LRP6: variants seen among roughly 807,000 people sequenced by gnomAD.
LRP6 encodes the protein LDL receptor related protein 6, also known as low-density lipoprotein receptor-related protein 6.
In LRP6, 43 loss-of-function variants were observed where a neutral mutation model predicts 184.1. That is an observed-to-expected ratio of 0.23 (90% CI 0.18 to 0.30). The LOEUF (loss-of-function observed/expected upper bound fraction) is 0.30. LRP6 is among the 10% of genes least tolerant of loss of function. The pLI is 1.00. For synonymous variants in LRP6, 719 were observed against 684.9 expected (o/e 1.05, Z -0.78); for missense variants, 1,571 against 2,005.3 (o/e 0.78, Z 4.14).
chr12:12,222,381 C>T lies in LRP6; in HGVS notation c.450-18981G>A, dbSNP rs569506600. The stretch of plus-strand genomic sequence containing the variant: ...AGGAGTTCAAGACCAGACTGACCAA[C>T]ATGGTGAAACCTCATCTCTACTAAA... On this transcript the variant is annotated intron_variant, in intron 2 of 22. Transcript: ENST00000261349. Among the ~76,000 whole-genome samples, 11 of 152,062 alleles carry T rather than the reference C, an allele frequency of 7.2e-5. 1 individual carries two copies. In the South Asian group the frequency reaches 1.0e-3, roughly 14 times the overall value.
intron 13 of LRP6, 129 bp downstream of exon 13, chr12:12,150,707 T>C (rs867298990): frequency 6.5e-6 from 6 of 926,080 alleles, no homozygotes; most frequent in South Asian, 5.3e-5. Flanking sequence ...AGCTACTAGG[T>C]CCAGAATTTC....
intron 1 of LRP6, among the ~76,000 whole-genome samples, chr12:12,264,980 G>A (rs769615896): frequency 6.6e-6 from 1 of 152,066 alleles, no homozygotes; most frequent in Non-Finnish European, 1.5e-5. Context: ...TCTCAAAGCT[G>A]GTGTTAAACA....
intron 1 of LRP6, among the ~76,000 whole-genome samples, chr12:12,248,331 T>C (rs1865238520): frequency 6.6e-6 from 1 of 152,170 alleles, no homozygotes; most frequent in Non-Finnish European, 1.5e-5. Context: ...CTGCAAAATC[T>C]TATAACATTG....
intron 5 of LRP6, among the ~76,000 whole-genome samples, chr12:12,182,068 G>T (rs1183147256): frequency 1.3e-5 from 2 of 152,132 alleles, no homozygotes; most frequent in African/African-American, 4.8e-5. Context: ...TGCAATGGAG[G>T]GAAGGAACCA....
At chr12:12,244,201 TGTCAGTGGAGA>T in intron 2 of LRP6, 50 bp downstream of exon 2, 1 of 1,539,086 alleles carries the variant, frequency 6.5e-7, no homozygotes, top group Non-Finnish European at 9.0e-7. Flanking sequence ...GGGTGGTGTA[TGTCAGTGGAGA>T]AAAACCGAAA....
chr12:12,155,470 T>G, intron 12 of LRP6: 2 of 938,316 alleles, frequency 2.1e-6, no homozygotes, highest in South Asian at 2.6e-5. Context: ...TTACCCAGCA[T>G]GCTGTTGGCA....
At chr12:12,143,808 G>C (rs182131141) in intron 15 of LRP6, among the ~76,000 whole-genome samples, 28 of 152,176 alleles carry the variant, frequency 1.8e-4, no homozygotes, top group Non-Finnish European at 3.2e-4. Context: ...TTGTACCTTT[G>C]CAGAAGACAA....
rs368284481 is a variant in LRP6 at position 12,187,127 on chromosome 12, C to A, written c.648-8G>T. Reference sequence around the variant, plus strand: ...CCTTTAACCACTGCCTGCCTATTAACATAAAGAGAAAAATTTAAACTTATT... The same window carrying A: ...CCTTTAACCACTGCCTGCCTATTAAAATAAAGAGAAAAATTTAAACTTATT... On this transcript the variant is annotated splice_region_variant and splice_polypyrimidine_tract_variant and intron_variant, in intron 3 of 22. Coordinates refer to ENST00000261349, the MANE Select transcript of LRP6 (RefSeq NM_002336.3). 3 of 1,613,084 alleles carry A rather than the reference C, an allele frequency of 1.9e-6. No individual in the cohort carries two copies. Among genetic ancestry groups the A allele is most frequent in the Non-Finnish European group, 2.5e-6 (3 of 1,179,300 alleles).
intron 2 of LRP6, among the ~76,000 whole-genome samples, chr12:12,234,632 A>G (rs1864886203): frequency 6.6e-6 from 1 of 152,076 alleles, no homozygotes. Context: ...GGAGTTTGAG[A>G]CCAGCCTGAC....
Position 12,182,681 on chromosome 12 carries a change from A to G in LRP6, c.977-1242T>C, listed in dbSNP as rs543547979. On this transcript the variant is annotated intron_variant, in intron 5 of 22. Transcript: ENST00000261349. ...TAGAGCTAATTATAAATGAATTCCA[A>G]CTTGAAGAAAATACAGCCCAAATGC... is the stretch of plus-strand genomic sequence containing the variant. 2.6e-5 allele frequency among the ~76,000 whole-genome samples: 4 copies of G among 152,324 alleles called. No homozygotes were observed. In the East Asian group the frequency reaches 7.7e-4, roughly 29 times the overall value.
chr12:12,238,925 G>A (rs930543444), intron 2 of LRP6, among the ~76,000 whole-genome samples: 3 of 151,612 alleles, frequency 2.0e-5, no homozygotes, highest in Non-Finnish European at 4.4e-5. Flanking sequence ...AATTCAACTC[G>A]TAAAAAAAAC....
At chr12:12,214,718 T>C (rs1214511565) in intron 2 of LRP6, among the ~76,000 whole-genome samples, 2 of 152,232 alleles carry the variant, frequency 1.3e-5, no homozygotes, top group African/African-American at 2.4e-5. Flanking sequence ...TGGGGGAATA[T>C]GGAATGCGTT....
intron 1 of LRP6, among the ~76,000 whole-genome samples, chr12:12,258,960 T>C (rs894273177): frequency 2.0e-5 from 3 of 151,400 alleles, no homozygotes; most frequent in South Asian, 2.1e-4. Flanking sequence ...GACTATTTTC[T>C]TGGGAAAAAA....
rs973927952 is a variant in LRP6 at position 12,131,933 on chromosome 12, A to G, written c.3858T>C (p.Pro1286=). 6.2e-7 allele frequency: 1 copy of G among 1,614,098 alleles called. No homozygotes were observed. The highest frequency in any genetic ancestry group is 8.5e-7 in the Non-Finnish European group (1 of 1,180,032). Residue 1286 remains proline (P), a synonymous_variant, in exon 18 of 23, where the codon CCT becomes CCC. Transcript: ENST00000261349. ...CEDHSDELNC[P]VCSESQFQCA... is the part of the protein sequence containing the mutation. ...ACTGGAACTGGGACTCTGAGCATAC[A>G]GGACAATTGAGTTCATCACTGTGGT...
chr12:12,125,240 G>C, intron 21 of LRP6, 56 bp downstream of exon 21: 1 of 1,599,236 alleles, frequency 6.3e-7, no homozygotes, highest in Non-Finnish European at 8.6e-7. Context: ...ATTTAAATGA[G>C]TTAAAAAATC....
At chr12:12,256,398 A>C (rs140221209) in intron 1 of LRP6, among the ~76,000 whole-genome samples, 9 of 152,188 alleles carry the variant, frequency 5.9e-5, no homozygotes, top group African/African-American at 2.2e-4. Flanking sequence ...TCTCTATAAA[A>C]AATACAAAAA....
intron 17 of LRP6, among the ~76,000 whole-genome samples, chr12:12,134,208 C>T (rs2136872038): frequency 6.6e-6 from 1 of 152,240 alleles, no homozygotes; most frequent in East Asian, 1.9e-4. Context: ...TATTTGTTTA[C>T]AGAAATATAT....
In LRP6 at chr12:12,126,888, T is replaced by C. The variant is rs774674044; in HGVS notation, c.4115A>G (p.Asn1372Ser). ...TACGCCAATAACAGAACCAACTGTATTGGTGGCCTGTGGTGCTGGTTCTTC... is the reference window on the plus strand; with the variant it reads ...TACGCCAATAACAGAACCAACTGTACTGGTGGCCTGTGGTGCTGGTTCTTC... ...PTEEPAPQAT[N>S]TVGSVIGVIV... Residue 1372 changes from asparagine (N) to serine (S), a missense_variant, in exon 20 of 23, where the codon AAT becomes AGT. Physicochemically the swap from Asn to Ser is conservative, Grantham distance 46 (BLOSUM62 1). Coordinates refer to ENST00000261349, the MANE Select transcript of LRP6 (RefSeq NM_002336.3). 1.4e-5 allele frequency: 22 copies of C among 1,614,000 alleles called. No homozygotes were observed. The highest frequency in any genetic ancestry group is 6.7e-5 in the African/African-American group (5 of 74,926).
chr12:12,165,355 A>C, intron 7 of LRP6, 60 bp from the exon 8 acceptor site: 1 of 1,210,816 alleles, frequency 8.3e-7, no homozygotes, highest in Non-Finnish European at 1.2e-6. Context: ...TCAGCTAAAA[A>C]TAACAAATCC....
Sources: gnomAD v4.1 joint callset for allele counts (sites outside exome capture counted in the v4.1 genomes callset) on GRCh38, gnomAD v4.1.1 for gene constraint, MANE v1.5 for transcripts, NCBI Gene and HGNC (gene_info 2026-07-23, HGNC 2026-07-21) for gene names.